The following ZFHX2 variants were observed in gnomAD, a reference collection of about 807,000 sequenced individuals.
The protein encoded by ZFHX2 is zinc finger homeobox protein 2.
In ZFHX2, 75 loss-of-function variants were observed where a neutral mutation model predicts 164.8. That is an observed-to-expected ratio of 0.46 (90% CI 0.38 to 0.55). The LOEUF is 0.55. ZFHX2 is among the 20% of genes least tolerant of loss of function. ZFHX2 has a pLI of 0.00. For missense variants in ZFHX2, 2,933 were observed against 3,308.0 expected (o/e 0.89, Z 2.78); for synonymous variants, 1,217 against 1,351.4 (o/e 0.90, Z 2.18).
rs1174568497 is a variant in ZFHX2, at chr14:23,523,394, T to C, written c.6548A>G (p.Lys2183Arg). Residue 2183 changes from lysine to arginine, a missense_variant, in exon 9 of 10, where the codon AAG (lysine) becomes AGG (arginine). Lys to Arg is a conservative substitution (Grantham distance 26). Transcript: ENST00000419474. The surrounding 1 kb of genome is among the most constrained non-coding windows in gnomAD (Gnocchi z 4.1). Reference protein sequence around the residue: ...KLKEAVRAQLKSESKCYDLAP... With the variant: ...KLKEAVRAQLRSESKCYDLAP... ...CAAGTCGTAGCACTTGCTTTCACTC[T>C]TCAGCTGGGCTCGAACCGCCTCCTT... 6.6e-7 allele frequency: 1 copy of C among 1,512,888 alleles called. No homozygotes were observed. The highest frequency in any genetic ancestry group is 8.8e-7 in the Non-Finnish European group (1 of 1,135,102). 93.7% of individuals were successfully genotyped at this position (1,512,888 alleles called of 1,614,324 possible). A position where few individuals can be genotyped will look rare whatever the true frequency, so the allele number is the denominator to read the frequency against.
intron 3 of ZFHX2, chr14:23,532,022 C>T (rs1399705990): frequency 1.9e-5 from 4 of 213,138 alleles, no homozygotes; most frequent in Admixed American, 5.9e-5. Context: ...GTGATCCTCC[C>T]GCCTCGGCCT....
At chr14:23,528,715 C>T in intron 6 of ZFHX2, 1 of 985,382 alleles carries the variant, frequency 1.0e-6, no homozygotes, top group Non-Finnish European at 1.2e-6. Flanking sequence ...CTTCTTTTTC[C>T]TAATGTGAAT....
At position 23,524,676 on chromosome 14, in the gene ZFHX2, C is replaced by G; in HGVS notation, c.5266G>C (p.Glu1756Gln). The G allele has an allele frequency of 6.5e-7, 1 of 1,536,316 alleles. No individual in the cohort carries two copies. The highest frequency in any genetic ancestry group is 8.7e-7 in the Non-Finnish European group (1 of 1,146,922). The change falls in exon 9 of 10, where the codon GAG (glutamate) becomes CAG (glutamine). Residue 1756 changes from glutamate to glutamine, a missense_variant. Glu to Gln is a conservative substitution (Grantham distance 29). Coordinates refer to ENST00000419474, the MANE Select transcript of ZFHX2 (RefSeq NM_033400.3). This position sits in a 1 kb window ranked among gnomAD's most constrained non-coding sequence, Gnocchi z 5.6. ...QAEATKAGGK[E>Q]PEEKATPSPS... The stretch of plus-strand genomic sequence containing the variant: ...GATGGAGTAGCCTTCTCTTCAGGCT[C>G]TTTGCCTCCTGCCTTTGTTGCCTCT...
Position 23,529,775 on chromosome 14 carries a change from A to G in ZFHX2, c.2876-7T>C, listed in dbSNP as rs902254811. The stretch of plus-strand genomic sequence containing the variant: ...TTTTCTGTCTCTTCTGAAGCTGAGG[A>G]TGAAAGAAGAGGAGATTAAGGAACC... On this transcript the variant is annotated splice_region_variant and splice_polypyrimidine_tract_variant and intron_variant, in intron 5 of 9. Coordinates refer to ENST00000419474, the MANE Select transcript of ZFHX2 (RefSeq NM_033400.3). The G allele has an allele frequency of 5.9e-6, 9 of 1,536,112 alleles. No homozygotes were observed. In the Admixed American group the frequency reaches 1.4e-4, roughly 23 times the overall value.
At position 23,523,741 on chromosome 14, in the gene ZFHX2, G is replaced by A; in HGVS notation, c.6201C>T (p.Arg2067=). 1 of 1,536,234 alleles carries A rather than the reference G, an allele frequency of 6.5e-7. No individual in the cohort carries two copies. The highest frequency in any genetic ancestry group is 8.7e-7 in the Non-Finnish European group (1 of 1,146,926). The part of the protein sequence containing the change: ...TGVPDGMGQR[R]YRTQMSSLQL... ...GCAGGCTGCTCATCTGGGTCCTGTAGCGCCGCTGCCCCATTCCATCTGGAA... is the reference window on the plus strand; with the variant it reads ...GCAGGCTGCTCATCTGGGTCCTGTAACGCCGCTGCCCCATTCCATCTGGAA... The change falls in exon 9 of 10, where the codon CGC becomes CGT. Residue 2067 remains arginine, a synonymous_variant. Transcript: ENST00000419474. This position sits in a 1 kb window ranked among gnomAD's most constrained non-coding sequence, Gnocchi z 4.1.
intron 1 of ZFHX2, among the ~76,000 whole-genome samples, chr14:23,549,677 T>TA (rs1881767156): frequency 6.6e-6 from 1 of 152,198 alleles, no homozygotes; most frequent in East Asian, 1.9e-4. Context: ...GGGTGGAGCT[T>TA]AGAGTCCTAG....
At position 23,526,389 on chromosome 14, in the gene ZFHX2, G is replaced by C. The variant is rs929298963; in HGVS notation, c.3553C>G (p.Leu1185Val). 9.8e-6 allele frequency: 15 copies of C among 1,536,290 alleles called. No individual in the cohort carries two copies. In the African/African-American group the frequency reaches 1.9e-4, roughly 20 times the overall value. Reference protein sequence around the residue: ...KTTNFALDKFLDPARPYKCTV... With the variant: ...KTTNFALDKFVDPARPYKCTV... The stretch of plus-strand genomic sequence containing the variant: ...CACTTATAGGGCCGGGCAGGGTCGA[G>C]AAACTTGTCCAGGGCAAAGTTGGTG... Residue 1185 changes from leucine to valine, a missense_variant, in exon 9 of 10, where the codon CTC becomes GTC. Coordinates refer to ENST00000419474, the MANE Select transcript of ZFHX2 (RefSeq NM_033400.3).
At chr14:23,545,733 C>T (rs76072590) in intron 1 of ZFHX2, among the ~76,000 whole-genome samples, 2,068 of 152,234 alleles carry the variant, frequency 0.014, 18 homozygotes, top group Non-Finnish European at 0.022. Flanking sequence ...ACAGAGATGG[C>T]TGGGGGGAAA....
At chr14:23,554,634 T>C (rs147932161), upstream of ZFHX2, among the ~76,000 whole-genome samples, 69 of 151,692 alleles carry the variant, frequency 4.5e-4, no homozygotes, top group East Asian at 0.013. Context: ...ATGATCCTCC[T>C]GCCTCGACCT....
At chr14:23,531,884 C>G in intron 3 of ZFHX2, 163 bp from the exon 4 acceptor site, 10 of 956,184 alleles carry the variant, frequency 1.0e-5, no homozygotes, top group Non-Finnish European at 1.4e-5. Context: ...TTCAGTGATT[C>G]TCATGCCTCA....
In ZFHX2 at chr14:23,522,286, C is replaced by T. The variant is rs112378081; in HGVS notation, c.7395G>A (p.Pro2465=). The T allele has an allele frequency of 3.3e-5, 50 of 1,503,094 alleles. 1 individual carries two copies. Among genetic ancestry groups the T allele is most frequent in the African/African-American group, 2.9e-4 (21 of 72,632 alleles). 93.1% of individuals were successfully genotyped at this position (1,503,094 alleles called of 1,614,324 possible). Residue 2465 remains proline, a synonymous_variant, in exon 10 of 10, where the codon CCG becomes CCA. Transcript: ENST00000419474. ...QCKMAFDGEA[P]ATAHQRSFCF... Reference sequence around the variant, plus strand: ...AGAAGGATCTCTGGTGGGCAGTAGCCGGGGCCTCCCCGTCAAATGCCATCT... The same window carrying T: ...AGAAGGATCTCTGGTGGGCAGTAGCTGGGGCCTCCCCGTCAAATGCCATCT...
At position 23,525,913 on chromosome 14, in the gene ZFHX2, T is replaced by G. The variant is rs1595140210; in HGVS notation, c.4029A>C (p.Pro1343=). Residue 1343 remains proline, a synonymous_variant, in exon 9 of 10, where the codon CCA becomes CCC. Coordinates refer to ENST00000419474, the MANE Select transcript of ZFHX2 (RefSeq NM_033400.3). The surrounding 1 kb of genome is among the most constrained non-coding windows in gnomAD (Gnocchi z 5.9). ...GCACCAGAGGGAAGGGGGGCAGGAC[T>G]GGTGGGGTGAAGAGAGGGGCTGGGA... ...HRFPAPLFTP[P]VLPPFPLVPE... is the part of the protein sequence containing the mutation. 7.6e-7 allele frequency: 1 copy of G among 1,311,826 alleles called. No homozygotes were observed. Among genetic ancestry groups the G allele is most frequent in the Middle Eastern group, 2.0e-4 (1 of 5,050 alleles). The allele number at this position is 1,311,826 out of a possible 1,614,324, so 81.3% of individuals were successfully genotyped here.
In ZFHX2 at chr14:23,533,528, G is replaced by A; in HGVS notation, c.1798C>T (p.Leu600=). Residue 600 remains leucine, a synonymous_variant, in exon 2 of 10, where the codon CTG becomes TTG. Coordinates refer to ENST00000419474, the MANE Select transcript of ZFHX2 (RefSeq NM_033400.3). The surrounding 1 kb of genome is among the most constrained non-coding windows in gnomAD (Gnocchi z 4.8). The stretch of plus-strand genomic sequence containing the variant: ...AGGCCCAGCGGCAGCCCCTGGTGCA[G>A]CATTAGGACATTCTGCATGTGCTTC... ...SEKHMQNVLM[L]HQGLPLGLPP... is the part of the protein sequence containing the mutation. 6.5e-7 allele frequency: 1 copy of A among 1,536,138 alleles called. No individual in the cohort carries two copies. Among genetic ancestry groups the A allele is most frequent in the Non-Finnish European group, 8.7e-7 (1 of 1,146,896 alleles).
chr14:23,528,988 G>GGA (rs1879163794), intron 6 of ZFHX2, among the ~76,000 whole-genome samples: 1 of 152,262 alleles, frequency 6.6e-6, no homozygotes, highest in African/African-American at 2.4e-5. Flanking sequence ...TCTGTTGGCG[G>GGA]GAGCAGGAGT....
chr14:23,545,681 A>C (rs1328343679), intron 1 of ZFHX2, among the ~76,000 whole-genome samples: 1 of 152,212 alleles, frequency 6.6e-6, no homozygotes, highest in Non-Finnish European at 1.5e-5. Flanking sequence ...TGGAGATGAG[A>C]AGAAAGGCAT....
In ZFHX2 at chr14:23,526,525, G is replaced by C. The variant is rs540834344; in HGVS notation, c.3417C>G (p.Asp1139Glu). Residue 1139 changes from aspartate (D) to glutamate (E), a missense_variant, in exon 9 of 10, where the codon GAC becomes GAG. Asp to Glu is a conservative substitution (Grantham distance 45). Transcript: ENST00000419474. ...PVPEPDAQAE[D>E]VAPPPTMAEE... ...CAGCCATGGTGGGCGGAGGAGCTACGTCTTCAGCTTGGGCATCAGGTTCAG... is the reference window on the plus strand; with the variant it reads ...CAGCCATGGTGGGCGGAGGAGCTACCTCTTCAGCTTGGGCATCAGGTTCAG... The C allele has an allele frequency of 3.1e-5, 47 of 1,535,912 alleles. No individual in the cohort carries two copies. In the South Asian group the frequency reaches 5.4e-4, roughly 17 times the overall value.
chr14:23,539,136 G>GT (rs1880516530), intron 1 of ZFHX2, among the ~76,000 whole-genome samples: 1 of 152,304 alleles, frequency 6.6e-6, no homozygotes, highest in South Asian at 2.1e-4. Flanking sequence ...CTAATGCACT[G>GT]TTTCGTCACA....
chr14:23,529,754 C>T lies in ZFHX2; in HGVS notation c.2890G>A (p.Glu964Lys). ...TCTCTGGAAGGGCCAGTCTTGTTTT[C>T]TGTCTCTTCTGAAGCTGAGGATGAA... ...KTEQLASEET[E>K]NKTGPSRDSA... Residue 964 changes from glutamate (E) to lysine (K), a missense_variant, in exon 6 of 10, where the codon GAA becomes AAA. By Grantham distance (56) the Glu-to-Lys change is moderately conservative. Coordinates refer to ENST00000419474, the MANE Select transcript of ZFHX2 (RefSeq NM_033400.3). 3 of 1,536,306 alleles carry T rather than the reference C, an allele frequency of 2.0e-6. No homozygotes were observed. The highest frequency in any genetic ancestry group is 2.6e-6 in the Non-Finnish European group (3 of 1,146,922).
intron 6 of ZFHX2, among the ~76,000 whole-genome samples, chr14:23,529,087 C>T (rs779042322): frequency 2.0e-5 from 3 of 152,250 alleles, no homozygotes; most frequent in African/African-American, 7.2e-5. Flanking sequence ...ATAAATGTTA[C>T]ATATTGTAGT....
Sources: gnomAD v4.1 joint callset for allele counts (sites outside exome capture counted in the v4.1 genomes callset) on GRCh38, gnomAD v4.1.1 for gene constraint, Gnocchi (gnomAD v3.1) non-coding constraint, MANE v1.5 for transcripts, NCBI Gene and HGNC (gene_info 2026-07-23, HGNC 2026-07-21) for gene names.